Variants in AGO4 observed in about 807,000 individuals in gnomAD.
The protein encoded by AGO4 is protein argonaute-4.
A neutral mutation model predicts 104.7 loss-of-function variants in AGO4; 33 were observed. The observed-to-expected ratio is 0.32, with a 90% CI of 0.24 to 0.42. The LOEUF (loss-of-function observed/expected upper bound fraction) is 0.42. Among genes scored for constraint, AGO4 ranks in the 10% least tolerant of loss-of-function variants. AGO4 has a pLI of 1.00. For synonymous variants in AGO4, 331 were observed against 364.7 expected (o/e 0.91, Z 1.05); for missense variants, 711 against 1,083.4 (o/e 0.66, Z 4.83).
intron 7 of AGO4, among the ~76,000 whole-genome samples, chr1:35,828,443 C>G (rs565112685): frequency 6.6e-6 from 1 of 152,154 alleles, no homozygotes; most frequent in Non-Finnish European, 1.5e-5. Context: ...TCACTTCTTA[C>G]AGCTGTTGGT....
At chr1:35,848,637 GTT>G (rs369289816) in intron 15 of AGO4, among the ~76,000 whole-genome samples, 2 of 141,012 alleles carry the variant, frequency 1.4e-5, no homozygotes, top group African/African-American at 2.6e-5. Context: ...GAACCAGAGA[GTT>G]TTTTTTTTTT....
chr1:35,822,601 A>C (rs1320400467), intron 2 of AGO4, among the ~76,000 whole-genome samples: 2 of 152,204 alleles, frequency 1.3e-5, no homozygotes, highest in African/African-American at 2.4e-5. Flanking sequence ...GATTTTGGAA[A>C]GAGGAGGTTG....
intron 7 of AGO4, among the ~76,000 whole-genome samples, chr1:35,830,925 T>C (rs1644167421): frequency 7.0e-6 from 1 of 143,600 alleles, no homozygotes; most frequent in Admixed American, 7.4e-5. Context: ...TGAACCAAGA[T>C]GGTGCCACTG....
intron 12 of AGO4, 65 bp from the exon 13 acceptor site, chr1:35,835,769 T>G: frequency 7.2e-7 from 1 of 1,392,256 alleles, no homozygotes; most frequent in Middle Eastern, 1.9e-4. Flanking sequence ...GGGGTTTTTT[T>G]CCTTCTGCTT....
At chr1:35,846,174 A>G (rs1377597504) in intron 15 of AGO4, among the ~76,000 whole-genome samples, 2 of 152,174 alleles carry the variant, frequency 1.3e-5, no homozygotes, top group East Asian at 1.9e-4. Context: ...TCCAAAACCT[A>G]TTCCTCCCCA....
In AGO4 at chr1:35,825,556, G is replaced by T. The variant is rs910310609; in HGVS notation, c.488+62G>T. On this transcript the variant is annotated intron_variant, in intron 4 of 17. Transcript: ENST00000373210. ...CAGACTTTTTTGGTAGGTTGTACTG[G>T]AGCCATTGAAAAATTTCTGCATAAG... 3.8e-6 allele frequency: 6 copies of T among 1,558,964 alleles called. No individual in the cohort carries two copies. The African/African-American group carries it at 5.5e-5, about 14-fold the overall frequency.
Position 35,857,072 on chromosome 1 carries a change from G to C in AGO4, c.*3467G>C, listed in dbSNP as rs1644833407. The C allele has an allele frequency of 6.6e-6, 1 of 152,192 alleles. No individual in the cohort carries two copies. The highest frequency in any genetic ancestry group is 2.1e-4 in the South Asian group (1 of 4,836). 9.4% of individuals were successfully genotyped at this position (152,192 alleles called of 1,614,324 possible). On this transcript the variant is annotated 3_prime_UTR_variant, in exon 18 of 18. Coordinates refer to ENST00000373210, the MANE Select transcript of AGO4 (RefSeq NM_017629.4). ...TATGGTCTGTGTTTTAGGATCTGGT[G>C]CCCAGCCTCTATCAGAGCTTGCCTA... is the stretch of plus-strand genomic sequence containing the variant.
chr1:35,831,520 T>A lies in AGO4; in HGVS notation c.942T>A (p.His314Gln). The A allele has an allele frequency of 3.1e-6, 5 of 1,614,108 alleles. No individual in the cohort carries two copies. The highest frequency in any genetic ancestry group is 4.2e-6 in the Non-Finnish European group (5 of 1,180,008). The change falls in exon 8 of 18, where the codon CAT (histidine) becomes CAA (glutamine). Residue 314 changes from histidine to glutamine, a missense_variant. Physicochemically the swap from His to Gln is conservative, Grantham distance 24. This residue lies in a region of AGO4 where 308 missense variants were observed against 397.8 expected (regional missense o/e 0.77). Transcript: ENST00000373210. ...QKYSLQLKYP[H>Q]LPCLQVGQEQ... ...ATAGTCTGCAACTGAAATACCCCCA[T>A]CTTCCCTGTCTCCAAGTGGGACAAG...
At chr1:35,811,200 A>G (rs1643491314) in intron 1 of AGO4, among the ~76,000 whole-genome samples, 1 of 149,372 alleles carries the variant, frequency 6.7e-6, no homozygotes, top group Admixed American at 6.7e-5. Flanking sequence ...GGGGCTGGGC[A>G]CAGTGGCTCA....
Position 35,808,509 on chromosome 1 carries a change from C to T in AGO4, c.19+74C>T. On this transcript the variant is annotated intron_variant, in intron 1 of 17. Transcript: ENST00000373210. The surrounding 1 kb of genome is among the most constrained non-coding windows in gnomAD (Gnocchi z 5.2). The stretch of plus-strand genomic sequence containing the variant: ...GGCGGGCGGCCGGGACTTTCGCTGC[C>T]CCGTCGCCTCGCCGGGTTCGGGCCG... 8.7e-7 allele frequency: 1 copy of T among 1,155,966 alleles called. No individual in the cohort carries two copies. The highest frequency in any genetic ancestry group is 1.6e-5 in the African/African-American group (1 of 61,890). The allele number at this position is 1,155,966 out of a possible 1,614,324, so 71.6% of individuals were successfully genotyped here. A position where few individuals can be genotyped will look rare whatever the true frequency, so the allele number is the denominator to read the frequency against.
At chr1:35,815,335 G>A (rs1383214497) in intron 1 of AGO4, among the ~76,000 whole-genome samples, 1 of 152,122 alleles carries the variant, frequency 6.6e-6, no homozygotes, top group East Asian at 1.9e-4. Context: ...TCATTTTTTA[G>A]GCCAGTATCC....
At chr1:35,814,444 A>AT (rs1342455676) in intron 1 of AGO4, among the ~76,000 whole-genome samples, 6 of 142,174 alleles carry the variant, frequency 4.2e-5, no homozygotes, top group Non-Finnish European at 7.7e-5. Flanking sequence ...TCCTAATGCT[A>AT]TCCCTCCCCC....
intron 1 of AGO4, among the ~76,000 whole-genome samples, chr1:35,809,751 T>C (rs917377476): frequency 2.6e-5 from 4 of 152,176 alleles, no homozygotes; most frequent in Non-Finnish European, 5.9e-5. Context: ...CTCAATTCCT[T>C]TGAACTTTCA....
At chr1:35,851,327 G>T (rs1644697116) in intron 17 of AGO4, 17 of 448,466 alleles carry the variant, frequency 3.8e-5, no homozygotes, top group South Asian at 3.8e-4. Context: ...GTTCTGCTCA[G>T]GTCCTAAGTA....
At chr1:35,821,091 T>G (rs1241592180) in intron 2 of AGO4, among the ~76,000 whole-genome samples, 1 of 152,226 alleles carries the variant, frequency 6.6e-6, no homozygotes, top group Non-Finnish European at 1.5e-5. Context: ...ATGAGGACCA[T>G]AATCATTTTC....
At chr1:35,839,573 C>A (rs928375690) in intron 13 of AGO4, among the ~76,000 whole-genome samples, 17 of 152,054 alleles carry the variant, frequency 1.1e-4, no homozygotes, top group African/African-American at 4.1e-4. Context: ...TGAGTTAACA[C>A]GTGTGAAGTG....
In AGO4 at chr1:35,841,137, G is replaced by A. The variant is rs1478923001; in HGVS notation, c.1725-28G>A. 6.3e-7 allele frequency: 1 copy of A among 1,593,982 alleles called. No individual in the cohort carries two copies. The highest frequency in any genetic ancestry group is 8.6e-7 in the Non-Finnish European group (1 of 1,164,660). On this transcript the variant is annotated intron_variant, in intron 13 of 17. Transcript: ENST00000373210. This position sits in a 1 kb window ranked among gnomAD's most constrained non-coding sequence, Gnocchi z 4.7. The stretch of plus-strand genomic sequence containing the variant: ...CAAACATTTTCACTTATATGTCTGA[G>A]TGGCAACATCTCCTTAAATCTGAGC...
At chr1:35,826,390 A>G (rs1644021344) in intron 6 of AGO4, among the ~76,000 whole-genome samples, 1 of 152,200 alleles carries the variant, frequency 6.6e-6, no homozygotes. Context: ...ACATAAATTC[A>G]TTTATTATCC....
intron 2 of AGO4, among the ~76,000 whole-genome samples, chr1:35,818,666 AAAGGAAGGAAGG>A (rs796636245): frequency 7.5e-5 from 6 of 79,686 alleles, no homozygotes; most frequent in Admixed American, 1.6e-4. Context: ...AGAAAGGAAG[AAAGGAAGGAAGG>A]AAGGAAGGAA....
Sources: allele counts gnomAD v4.1 joint callset (sites outside exome capture counted in the v4.1 genomes callset), GRCh38; gene constraint gnomAD v4.1.1; regional missense constraint gnomAD v4.1.1; non-coding constraint Gnocchi (gnomAD v3.1); transcripts MANE v1.5; gene names NCBI Gene and HGNC (gene_info 2026-07-23, HGNC 2026-07-21).